The following ILDR1 variants were observed in gnomAD, a reference collection of about 807,000 sequenced individuals.
ILDR1 encodes immunoglobulin like domain containing receptor 1, also known as immunoglobulin-like domain-containing receptor 1.
A neutral mutation model predicts 62.4 loss-of-function variants in ILDR1; 56 were observed. The observed-to-expected ratio is 0.90, with a 90% CI of 0.72 to 1.12. The LOEUF is 1.12. Among genes scored for constraint, ILDR1 ranks in the 50% most tolerant of loss-of-function variants. The probability of loss-of-function intolerance (pLI) is 0.00; values close to 1 mark genes in which losing one functional copy is unlikely to be tolerated. For synonymous variants in ILDR1, 284 were observed against 277.8 expected (o/e 1.02, Z -0.22); for missense variants, 736 against 710.6 (o/e 1.04, Z -0.41).
At chr3:121,995,159 C>T (rs929139835) in intron 5 of ILDR1, among the ~76,000 whole-genome samples, 2 of 152,178 alleles carry the variant, frequency 1.3e-5, no homozygotes, top group South Asian at 2.1e-4. Context: ...AAAAGCATTT[C>T]GTTGTTTTTG....
In ILDR1 at chr3:121,993,233, C is replaced by T. The variant is rs200077106; in HGVS notation, c.1516G>A (p.Glu506Lys). 42 of 1,613,942 alleles carry T rather than the reference C, an allele frequency of 2.6e-5. No homozygotes were observed. The East Asian group carries it at 5.8e-4, about 22-fold the overall frequency. The stretch of plus-strand genomic sequence containing the variant: ...GAGCGGTAGCTAGGCGGCTTCTCCT[C>T]GGGCCAGTGTGGGGAGTGCGAGCCG... ...RRGSHSPHWP[E>K]EKPPSYRSLD... The change falls in exon 7 of 8, where the codon GAG (glutamate) becomes AAG (lysine). Residue 506 changes from glutamate (E) to lysine (K), a missense_variant. Physicochemically the swap from Glu to Lys is moderately conservative, Grantham distance 56. Coordinates refer to ENST00000344209, the MANE Select transcript of ILDR1 (RefSeq NM_001199799.2).
the ILDR1 span, among the ~76,000 whole-genome samples, chr3:122,033,038 A>AC: frequency 6.6e-6 from 1 of 152,246 alleles, no homozygotes. Flanking sequence ...GCAATAGATA[A>AC]CCAATGTAGT....
chr3:122,022,159 C>T lies in ILDR1; in HGVS notation c.-82G>A, dbSNP rs978630098. The T allele has an allele frequency of 3.3e-6, 4 of 1,227,452 alleles. No homozygotes were observed. The highest frequency in any genetic ancestry group is 1.3e-5 in the South Asian group (1 of 75,488). 76.0% of individuals were successfully genotyped at this position (1,227,452 alleles called of 1,614,324 possible). ...TCCTCAGCTGCCGCCCCAGGACGCACCACCTTCTCCAAGGAACCCCTCGGG... is the reference window on the plus strand; with the variant it reads ...TCCTCAGCTGCCGCCCCAGGACGCATCACCTTCTCCAAGGAACCCCTCGGG... On this transcript the variant is annotated 5_prime_UTR_variant, in exon 1 of 8. The change creates a new upstream start codon in the 5' untranslated region. Coordinates refer to ENST00000344209, the MANE Select transcript of ILDR1 (RefSeq NM_001199799.2).
intron 1 of ILDR1, among the ~76,000 whole-genome samples, chr3:122,021,002 G>T (rs867196489): frequency 6.6e-6 from 1 of 152,122 alleles, no homozygotes; most frequent in African/African-American, 2.4e-5. Flanking sequence ...TGAGAAATTC[G>T]TTATGTCTTA....
chr3:122,029,511 A>AATATATATATATATAT, the ILDR1 span, among the ~76,000 whole-genome samples: 1 of 139,478 alleles, frequency 7.2e-6, no homozygotes, highest in African/African-American at 2.8e-5. Context: ...GTCTAAAAAA[A>AATATATATATATATAT]ATATATATAT....
chr3:122,006,401 G>A (rs539054480), intron 2 of ILDR1, among the ~76,000 whole-genome samples: 2 of 152,284 alleles, frequency 1.3e-5, no homozygotes, highest in East Asian at 3.9e-4. Context: ...CCATATGCCT[G>A]GGGCAGTTGT....
chr3:122,001,494 CA>C (rs2071524751), intron 4 of ILDR1, 40 bp from the exon 5 acceptor site: 1 of 1,609,576 alleles, frequency 6.2e-7, no homozygotes, highest in African/African-American at 1.3e-5. Flanking sequence ...ACTAAATATT[CA>C]GGGGGAGGGA....
At chr3:122,014,205 A>C (rs1233890706) in intron 1 of ILDR1, among the ~76,000 whole-genome samples, 1 of 152,238 alleles carries the variant, frequency 6.6e-6, no homozygotes, top group Non-Finnish European at 1.5e-5. Flanking sequence ...TGTTAATACA[A>C]AATAAATAAG....
chr3:122,006,204 C>T (rs192267535), intron 2 of ILDR1, among the ~76,000 whole-genome samples: 43 of 152,282 alleles, frequency 2.8e-4, no homozygotes, highest in Admixed American at 2.6e-3. Flanking sequence ...CTAATGCCTC[C>T]CTCTCCATTT....
At position 122,005,318 on chromosome 3, in the gene ILDR1, A is replaced by T; in HGVS notation, c.305T>A (p.Val102Glu). Residue 102 changes from valine (V) to glutamate (E), a missense_variant, in exon 3 of 8, where the codon GTG becomes GAG. Physicochemically the swap from Val to Glu is moderately radical, Grantham distance 121. Transcript: ENST00000344209. ...CNDNQREVRI[V>E]AQRRGQNEPV... ...CTCATTCTGCCCCCGCCGCTGGGCC[A>T]CTATGCGAACTTCCCGCTGGTTGTC... The T allele has an allele frequency of 6.2e-7, 1 of 1,607,764 alleles. No individual in the cohort carries two copies. The highest frequency in any genetic ancestry group is 8.5e-7 in the Non-Finnish European group (1 of 1,177,316).
the ILDR1 span, among the ~76,000 whole-genome samples, chr3:122,029,250 T>C: frequency 6.6e-6 from 1 of 152,236 alleles, no homozygotes; most frequent in East Asian, 1.9e-4. Context: ...CTCATGCCTG[T>C]AATCCCAGCA....
chr3:122,029,590 G>A, the ILDR1 span, among the ~76,000 whole-genome samples: 1 of 150,884 alleles, frequency 6.6e-6, no homozygotes, highest in African/African-American at 2.4e-5. Flanking sequence ...AGGGAGAGAG[G>A]AGAGAGATGG....
rs369002219 is a variant in ILDR1, at chr3:122,001,761, T to C, written c.483A>G (p.Val161=). The C allele has an allele frequency of 1.2e-6, 2 of 1,613,542 alleles. No individual in the cohort carries two copies. The highest frequency in any genetic ancestry group is 3.3e-5 in the Admixed American group (2 of 60,002). The stretch of plus-strand genomic sequence containing the variant: ...AGCACTTACGTAGGACGATGAGCTT[T>C]ACTTCCTTATCGGGGTCTCCTGATG... ...GDTSGDPDKE[V]KLIVLHWLTV... The change falls in exon 4 of 8, where the codon GTA becomes GTG. Residue 161 remains valine (V), a synonymous_variant. Coordinates refer to ENST00000344209, the MANE Select transcript of ILDR1 (RefSeq NM_001199799.2).
chr3:122,010,859 T>C (rs972983534), intron 1 of ILDR1, among the ~76,000 whole-genome samples: 12 of 152,234 alleles, frequency 7.9e-5, no homozygotes, highest in African/African-American at 2.7e-4. Flanking sequence ...ATATATTCTT[T>C]TATATACTAA....
the ILDR1 span, among the ~76,000 whole-genome samples, chr3:122,052,843 A>T: frequency 6.6e-6 from 1 of 152,322 alleles, no homozygotes; most frequent in South Asian, 2.1e-4. Flanking sequence ...TGCTGGGATT[A>T]CAGGCATGAG....
chr3:122,036,318 G>C, the ILDR1 span, among the ~76,000 whole-genome samples: 12 of 152,198 alleles, frequency 7.9e-5, no homozygotes, highest in Non-Finnish European at 1.6e-4. Flanking sequence ...TGCTAGGTGT[G>C]GTGGCTCATG....
chr3:122,041,221 G>A, the ILDR1 span, among the ~76,000 whole-genome samples: 2 of 152,150 alleles, frequency 1.3e-5, no homozygotes, highest in African/African-American at 4.8e-5. Context: ...TTGGGAGATG[G>A]GGCCTAATGG....
chr3:122,023,943 G>A (rs1198197538), upstream of ILDR1, among the ~76,000 whole-genome samples: 1 of 152,014 alleles, frequency 6.6e-6, no homozygotes, highest in African/African-American at 2.4e-5. Context: ...TAGTTTCCGG[G>A]TTTGTGAATA....
At chr3:122,049,386 G>A in the ILDR1 span, among the ~76,000 whole-genome samples, 1 of 152,122 alleles carries the variant, frequency 6.6e-6, no homozygotes, top group Non-Finnish European at 1.5e-5. Flanking sequence ...TGTTTATCAG[G>A]TCCATTTGGT....
Sources: gnomAD v4.1 joint callset for allele counts (sites outside exome capture counted in the v4.1 genomes callset) on GRCh38, gnomAD v4.1.1 for gene constraint, MANE v1.5 for transcripts, NCBI Gene and HGNC (gene_info 2026-07-23, HGNC 2026-07-21) for gene names.